Variants in RFWD3 observed in about 807,000 individuals in gnomAD.
RFWD3 encodes E3 ubiquitin-protein ligase RFWD3.
A neutral mutation model predicts 87.7 loss-of-function variants in RFWD3; 65 were observed. The ratio of observed to expected loss-of-function variants is 0.74; its 90% CI spans 0.61 to 0.91. The LOEUF (loss-of-function observed/expected upper bound fraction) is 0.91, where lower values mean the gene tolerates loss of function less well. Ranked by LOEUF, RFWD3 falls within the 40% of genes least tolerant of loss-of-function variation. RFWD3 has a pLI of 0.00. For synonymous variants in RFWD3, 433 were observed against 352.8 expected, an observed-to-expected ratio of 1.23 and a Z score of -2.55; for missense variants, 1,078 against 938.5, an observed-to-expected ratio of 1.15 and a Z score of -1.94.
At chr16:74,650,420 G>T (rs8058880) in intron 3 of RFWD3, among the ~76,000 whole-genome samples, 3,520 of 151,430 alleles carry the variant, frequency 0.023, 77 homozygotes, top group African/African-American at 0.058. Context: ...TTCCTAAGTG[G>T]CATGAGTATT....
At chr16:74,635,131 T>A (rs1213437116) in intron 8 of RFWD3, among the ~76,000 whole-genome samples, 1 of 151,646 alleles carries the variant, frequency 6.6e-6, no homozygotes, top group African/African-American at 2.4e-5. Context: ...ATACAAAAAA[T>A]TAGCTGGGTG....
At chr16:74,657,620 C>CA (rs1296092165) in intron 2 of RFWD3, among the ~76,000 whole-genome samples, 12 of 151,910 alleles carry the variant, frequency 7.9e-5, no homozygotes, top group Non-Finnish European at 1.8e-4. Flanking sequence ...GGATTATGGG[C>CA]ACCCGCCACC....
intron 6 of RFWD3, among the ~76,000 whole-genome samples, chr16:74,639,036 C>CT (rs564298799): frequency 0.012 from 1,527 of 132,064 alleles, 16 homozygotes; most frequent in Middle Eastern, 0.02. Flanking sequence ...TGAGCTAAGA[C>CT]TTTTTTTTTT....
chr16:74,633,606 G>A (rs1203267947), intron 8 of RFWD3, among the ~76,000 whole-genome samples: 1 of 152,096 alleles, frequency 6.6e-6, no homozygotes, highest in African/African-American at 2.4e-5. Flanking sequence ...GGGAGAGGAG[G>A]GAGGGGCAGG....
chr16:74,661,270 C>T lies in RFWD3; in HGVS notation c.180G>A (p.Val60=), dbSNP rs776244471. ...GGGGTGGTGTCGCTTGGCTGCTGAT[C>T]ACCTCAGCAGGAGCTGGCTGGAGGA... The part of the protein sequence containing the change: ...PSILQPAPAE[V]ISSQATPPLL... The change falls in exon 2 of 13, where the codon GTG becomes GTA. Residue 60 remains valine, a synonymous_variant. Coordinates refer to ENST00000361070, the MANE Select transcript of RFWD3 (RefSeq NM_018124.4). 2.5e-6 allele frequency: 4 copies of T among 1,614,148 alleles called. No individual in the cohort carries two copies. The highest frequency in any genetic ancestry group is 8.5e-7 in the Non-Finnish European group (1 of 1,180,020).
intron 10 of RFWD3, among the ~76,000 whole-genome samples, chr16:74,630,177 C>A (rs948003118): frequency 1.3e-5 from 2 of 152,156 alleles, no homozygotes; most frequent in African/African-American, 4.8e-5. Context: ...CTCACCGCAA[C>A]CTCCGCCTCC....
chr16:74,624,101 G>A (rs1315577880), intron 12 of RFWD3, 30 bp from the exon 13 acceptor site: 7 of 1,609,216 alleles, frequency 4.3e-6, no homozygotes, highest in Non-Finnish European at 5.9e-6. Context: ...GGAAGGGTCA[G>A]GAGTCAGTCA....
rs772460092 is a variant in RFWD3, at chr16:74,644,733, T to G, written c.795A>C (p.Pro265=). Residue 265 remains proline, a splice_region_variant and synonymous_variant, in exon 5 of 13, where the codon CCA becomes CCC. Transcript: ENST00000361070. ...IDGGKTLPKQ[P]SPQKSEPLLP... ...GCAGAGGCTCAGACTTCTGGGGAGA[T>G]GGCTAGATGGAAAGCAGAATATATT... The G allele has an allele frequency of 6.2e-7, 1 of 1,606,904 alleles. No homozygotes were observed. Among genetic ancestry groups the G allele is most frequent in the Admixed American group, 1.7e-5 (1 of 59,342 alleles).
chr16:74,662,850 A>C (rs1309809110), intron 1 of RFWD3, among the ~76,000 whole-genome samples: 1 of 152,054 alleles, frequency 6.6e-6, no homozygotes, highest in Non-Finnish European at 1.5e-5. Context: ...CAAGAGTGGT[A>C]GCAGTGGAGA....
At chr16:74,632,432 A>T in intron 9 of RFWD3, 91 bp downstream of exon 9, 1 of 1,404,902 alleles carries the variant, frequency 7.1e-7, no homozygotes, top group Non-Finnish European at 9.9e-7. Context: ...ACAACAAAAA[A>T]CAGAGCTAAG....
intron 2 of RFWD3, among the ~76,000 whole-genome samples, chr16:74,657,069 C>G (rs1274988708): frequency 1.3e-5 from 2 of 152,182 alleles, no homozygotes; most frequent in Non-Finnish European, 2.9e-5. Context: ...GCTTTTCACA[C>G]TCTGCATTGC....
In RFWD3 at chr16:74,622,825, A is replaced by G. The variant is rs1258378426; in HGVS notation, c.*1103T>C. 4 of 152,214 alleles carry G rather than the reference A, an allele frequency of 2.6e-5. No homozygotes were observed. The highest frequency in any genetic ancestry group is 1.9e-4 in the East Asian group (1 of 5,200). The allele number at this position is 152,214 out of a possible 1,614,324, so 9.4% of individuals were successfully genotyped here. A position where few individuals can be genotyped will look rare whatever the true frequency, so the allele number is the denominator to read the frequency against. ...AGGTTAGGGAGGCAAATCAAAGGAA[A>G]CTGGAATCAAACATCAGCTTCACAT... On this transcript the variant is annotated 3_prime_UTR_variant, in exon 13 of 13. Transcript: ENST00000361070.
rs778681493 is a variant in RFWD3, at chr16:74,630,769, G to A, written c.1754+12C>T. On this transcript the variant is annotated intron_variant, in intron 10 of 12. Coordinates refer to ENST00000361070, the MANE Select transcript of RFWD3 (RefSeq NM_018124.4). ...GCTGCTACCACCAGGAAAAGAGTGA[G>A]TGGCTCCCTACCTGGCTTTCTGAGC... The A allele has an allele frequency of 6.3e-6, 10 of 1,582,622 alleles. No homozygotes were observed. The East Asian group carries it at 2.3e-4, about 37-fold the overall frequency.
chr16:74,622,544 G>C lies in RFWD3; in HGVS notation c.*1384C>G, dbSNP rs924552541. On this transcript the variant is annotated 3_prime_UTR_variant, in exon 13 of 13. Transcript: ENST00000361070. ...GGCACAACTAGAACTTGGAACTCTG[G>C]GGAAATCTAGTGCAACAACCCCTTG... The C allele has an allele frequency of 2.0e-5, 3 of 152,132 alleles. No homozygotes were observed. Among genetic ancestry groups the C allele is most frequent in the African/African-American group, 7.2e-5 (3 of 41,420 alleles). 9.4% of individuals were successfully genotyped at this position (152,132 alleles called of 1,614,324 possible).
At chr16:74,626,255 G>C in intron 12 of RFWD3, 88 bp downstream of exon 12, 1 of 1,168,096 alleles carries the variant, frequency 8.6e-7, no homozygotes, top group Non-Finnish European at 1.3e-6. Context: ...TGCTATATGA[G>C]CTTCTGTAAA....
intron 8 of RFWD3, among the ~76,000 whole-genome samples, chr16:74,635,213 C>A (rs775444971): frequency 1.6e-4 from 25 of 151,854 alleles, no homozygotes; most frequent in African/African-American, 3.6e-4. Flanking sequence ...AGAGGTGGAG[C>A]TTGCAGTGAG....
rs541379816 is a variant in RFWD3, at chr16:74,639,150, G to C, written c.1080-1180C>G. The stretch of plus-strand genomic sequence containing the variant: ...GCCCCCCGGGTTCAAGAGATTTCTT[G>C]CCTCAGCCTCCCAAGTAGCTGAGAT... On this transcript the variant is annotated intron_variant, in intron 6 of 12. Coordinates refer to ENST00000361070, the MANE Select transcript of RFWD3 (RefSeq NM_018124.4). Among the ~76,000 whole-genome samples, 13 of 150,346 alleles carry C rather than the reference G, an allele frequency of 8.6e-5. No homozygotes were observed. In the South Asian group the frequency reaches 2.3e-3, roughly 27 times the overall value.
At chr16:74,653,349 C>CA (rs1442724785) in intron 2 of RFWD3, among the ~76,000 whole-genome samples, 1 of 151,416 alleles carries the variant, frequency 6.6e-6, no homozygotes, top group Non-Finnish European at 1.5e-5. Context: ...AACAAAAAAA[C>CA]AAAAAAATGA....
In RFWD3 at chr16:74,644,622, G is replaced by C; in HGVS notation, c.906C>G (p.Leu302=). Residue 302 remains leucine (L), a synonymous_variant, in exon 5 of 13, where the codon CTC becomes CTG. Coordinates refer to ENST00000361070, the MANE Select transcript of RFWD3 (RefSeq NM_018124.4). ...EQWTNAGDHR[L]SALRCGHLFG... ...AGAGATGCCCACAGCGTAATGCTGAGAGCCGGTGGTCCCCAGCATTGGTCC... is the reference window on the plus strand; with the variant it reads ...AGAGATGCCCACAGCGTAATGCTGACAGCCGGTGGTCCCCAGCATTGGTCC... 1 of 1,614,196 alleles carries C rather than the reference G, an allele frequency of 6.2e-7. No homozygotes were observed. The highest frequency in any genetic ancestry group is 8.5e-7 in the Non-Finnish European group (1 of 1,180,046).
Sources: allele counts gnomAD v4.1 joint callset (sites outside exome capture counted in the v4.1 genomes callset), GRCh38; gene constraint gnomAD v4.1.1; transcripts MANE v1.5; gene names NCBI Gene and HGNC (gene_info 2026-07-23, HGNC 2026-07-21).